The following NAPB variants were observed in gnomAD, a reference collection of about 807,000 sequenced individuals.
NAPB encodes the protein NSF attachment protein beta.
NAPB carries 26 observed loss-of-function variants against 44.7 expected under a neutral mutation model. The observed-to-expected ratio is 0.58, with a 90% CI of 0.43 to 0.81. The LOEUF is 0.81. Ranked by LOEUF, NAPB falls within the 30% of genes least tolerant of loss-of-function variation. The pLI is 0.00. For missense variants in NAPB, 315 were observed against 356.4 expected (o/e 0.88, Z 0.94); for synonymous variants, 120 against 116.8 (o/e 1.03, Z -0.18).
chr20:23,403,549 G>GCTGAGAT (rs1211047317), intron 1 of NAPB, among the ~76,000 whole-genome samples: 1 of 144,216 alleles, frequency 6.9e-6, no homozygotes, highest in Non-Finnish European at 1.5e-5. Flanking sequence ...GTTGTAGTGA[G>GCTGAGAT]CTGAGATCGT....
chr20:23,405,940 C>T lies in NAPB; in HGVS notation c.99-2868G>A, dbSNP rs114331118. ...TGCTATGGTTTGAATGTTTTTGTCC[C>T]CTCCAAAACTAAATTAAAATTTAAT... On this transcript the variant is annotated intron_variant, in intron 1 of 10. Transcript: ENST00000377026. 3.4e-3 allele frequency among the ~76,000 whole-genome samples: 516 copies of T among 152,192 alleles called. 5 individuals are homozygous for T. The highest frequency in any genetic ancestry group is 0.012 in the African/African-American group (488 of 41,512).
At chr20:23,385,661 TG>T (rs1284887070) in intron 7 of NAPB, among the ~76,000 whole-genome samples, 1 of 150,986 alleles carries the variant, frequency 6.6e-6, no homozygotes, top group African/African-American at 2.4e-5. Flanking sequence ...TGCAGTGAGC[TG>T]AGATCAAGTC....
rs1359993479 is a variant in NAPB, at chr20:23,421,427, C to T, written c.-25G>A. On this transcript the variant is annotated 5_prime_UTR_variant, in exon 1 of 11. Transcript: ENST00000377026. ...TGTCGCCCGCCGCGGCCGCCACAGC[C>T]CCCTCAGCCGGCTCGCTGTGCGCCC... is the stretch of plus-strand genomic sequence containing the variant. 1.0e-5 allele frequency: 16 copies of T among 1,539,322 alleles called. No individual in the cohort carries two copies. Among genetic ancestry groups the T allele is most frequent in the African/African-American group, 1.4e-5 (1 of 71,718 alleles).
intron 2 of NAPB, among the ~76,000 whole-genome samples, chr20:23,400,473 A>G (rs1984752623): frequency 1.3e-5 from 2 of 151,950 alleles, no homozygotes; most frequent in African/African-American, 4.8e-5. Context: ...CTGAGATCGC[A>G]CCACTGCATT....
chr20:23,388,462 T>C (rs1370686848), intron 7 of NAPB, among the ~76,000 whole-genome samples: 1 of 152,144 alleles, frequency 6.6e-6, no homozygotes, highest in African/African-American at 2.4e-5. Flanking sequence ...AAAACAATTC[T>C]GAAAAAGAAC....
chr20:23,416,740 G>A (rs1986028917), intron 1 of NAPB, among the ~76,000 whole-genome samples: 1 of 152,090 alleles, frequency 6.6e-6, no homozygotes, highest in African/African-American at 2.4e-5. Context: ...AGTTCAATCT[G>A]CATTTGAACA....
At chr20:23,400,765 A>C (rs1443345831) in intron 2 of NAPB, among the ~76,000 whole-genome samples, 3 of 152,152 alleles carry the variant, frequency 2.0e-5, no homozygotes, top group African/African-American at 7.2e-5. Flanking sequence ...AACTTCAAGG[A>C]GTCTAATATT....
Position 23,421,388 on chromosome 20 carries a change from C to T in NAPB, c.15G>A (p.Gly5=). The change falls in exon 1 of 11, where the codon GGG becomes GGA. Residue 5 remains glycine, a synonymous_variant. Transcript: ENST00000377026. MDNA[G]KEREAVQLMA... Reference sequence around the variant, plus strand: ...TCAGCTGTACTGCCTCACGCTCCTTCCCCGCGTTGTCCATGTCGCCCGCCG... The same window carrying T: ...TCAGCTGTACTGCCTCACGCTCCTTTCCCGCGTTGTCCATGTCGCCCGCCG... 6.5e-7 allele frequency: 1 copy of T among 1,547,970 alleles called. No individual in the cohort carries two copies. Among genetic ancestry groups the T allele is most frequent in the Non-Finnish European group, 8.7e-7 (1 of 1,146,402 alleles).
At position 23,417,441 on chromosome 20, in the gene NAPB, G is replaced by A. The variant is rs193271559; in HGVS notation, c.98+3864C>T. On this transcript the variant is annotated intron_variant, in intron 1 of 10. Coordinates refer to ENST00000377026, the MANE Select transcript of NAPB (RefSeq NM_022080.3). ...TGCATTGTGCAGGTTATTCCCAACC[G>A]GGTCTCATAGCAACAAGATGGAGGG... Among the ~76,000 whole-genome samples, 364 of 152,260 alleles carry A rather than the reference G, an allele frequency of 2.4e-3. 1 individual carries two copies. The highest frequency in any genetic ancestry group is 5.0e-3 in the Admixed American group (76 of 15,304).
At chr20:23,396,942 T>G in intron 3 of NAPB, 130 bp downstream of exon 3, 1 of 965,764 alleles carries the variant, frequency 1.0e-6, no homozygotes, top group Admixed American at 2.9e-5. Context: ...AAATTCTCTA[T>G]TATTCCAAAA....
intron 1 of NAPB, among the ~76,000 whole-genome samples, chr20:23,412,260 C>T (rs1193180622): frequency 6.6e-6 from 1 of 152,144 alleles, no homozygotes; most frequent in Non-Finnish European, 1.5e-5. Context: ...TCCACTCATA[C>T]TTCATCAGTC....
At chr20:23,393,710 G>A (rs1045913482) in intron 5 of NAPB, among the ~76,000 whole-genome samples, 18 of 152,184 alleles carry the variant, frequency 1.2e-4, no homozygotes, top group African/African-American at 4.3e-4. Context: ...GTTAAGTGAG[G>A]TGTGTGGGGA....
At chr20:23,409,269 C>T (rs985093576) in intron 1 of NAPB, among the ~76,000 whole-genome samples, 4 of 152,230 alleles carry the variant, frequency 2.6e-5, no homozygotes, top group East Asian at 1.9e-4. Context: ...TAATTAAGGA[C>T]AAAAATCATA....
At position 23,379,934 on chromosome 20, in the gene NAPB, A is replaced by G. The variant is rs1423491124; in HGVS notation, c.668T>C (p.Leu223Pro). 2 of 1,612,396 alleles carry G rather than the reference A, an allele frequency of 1.2e-6. No homozygotes were observed. Among genetic ancestry groups the G allele is most frequent in the African/African-American group, 2.7e-5 (2 of 74,894 alleles). Residue 223 changes from leucine (L) to proline (P), a missense_variant and splice_region_variant, in exon 9 of 11, where the codon CTT becomes CCT. By Grantham distance (98) the Leu-to-Pro change is moderately conservative (BLOSUM62 -3). Around this residue, in one of 3 missense-constraint regions of NAPB, gnomAD observed 120 missense variants for 130.5 expected, o/e 0.92. Transcript: ENST00000377026. ...HFIVDELNAK[L>P]ALEKYEEMFP... ...CATTTCCTCATATTTCTCAAGAGCAAGCTGAGAGAGAAAAACCACTCATCA... is the reference window on the plus strand; with the variant it reads ...CATTTCCTCATATTTCTCAAGAGCAGGCTGAGAGAGAAAAACCACTCATCA...
chr20:23,379,811 G>A (rs1982852764), intron 9 of NAPB, 56 bp downstream of exon 9: 3 of 1,314,984 alleles, frequency 2.3e-6, no homozygotes, highest in South Asian at 2.4e-5. Context: ...TCCCACTTAG[G>A]TGTTGTCACC....
intron 1 of NAPB, among the ~76,000 whole-genome samples, chr20:23,417,083 C>CTTTT (rs567478910): frequency 4.5e-5 from 6 of 134,212 alleles, no homozygotes; most frequent in Non-Finnish European, 6.3e-5. Context: ...CACTGGCATT[C>CTTTT]TTTTTTTTTT....
chr20:23,421,313 C>T lies in NAPB; in HGVS notation c.90G>A (p.Gly30=), dbSNP rs762125990. Reference sequence around the variant, plus strand: ...CACGGTCTGGCGCTCACCCAAACAGCCCTCGGAGGAAGGAGTGGGAGGCCT... The same window carrying T: ...CACGGTCTGGCGCTCACCCAAACAGTCCTCGGAGGAAGGAGTGGGAGGCCT... ...RVKASHSFLR[G]LFGGNTRIEE... Residue 30 remains glycine, a synonymous_variant, in exon 1 of 11, where the codon GGG becomes GGA. Transcript: ENST00000377026. 1 of 1,560,142 alleles carries T rather than the reference C, an allele frequency of 6.4e-7. No individual in the cohort carries two copies. The highest frequency in any genetic ancestry group is 1.2e-5 in the South Asian group (1 of 84,900).
intron 3 of NAPB, among the ~76,000 whole-genome samples, chr20:23,395,562 A>G (rs1037370624): frequency 6.6e-6 from 1 of 152,216 alleles, no homozygotes; most frequent in Non-Finnish European, 1.5e-5. Context: ...CCTCATTAAT[A>G]CCATGCATAT....
chr20:23,399,282 G>C (rs1333141586), intron 2 of NAPB, among the ~76,000 whole-genome samples: 1 of 152,144 alleles, frequency 6.6e-6, no homozygotes, highest in South Asian at 2.1e-4. Flanking sequence ...TATCCAATTT[G>C]ACAGTATTAA....
Sources: allele counts gnomAD v4.1 joint callset (sites outside exome capture counted in the v4.1 genomes callset), GRCh38; gene constraint gnomAD v4.1.1; regional missense constraint gnomAD v4.1.1; transcripts MANE v1.5; gene names NCBI Gene and HGNC (gene_info 2026-07-23, HGNC 2026-07-21).